Variants in TMPRSS2 observed in about 807,000 individuals in gnomAD.
The protein encoded by TMPRSS2 is transmembrane protease serine 2.
TMPRSS2 carries 59 observed loss-of-function variants against 67.4 expected under a neutral mutation model. That is an observed-to-expected ratio of 0.88 (90% confidence interval 0.71 to 1.09). The LOEUF (loss-of-function observed/expected upper bound fraction) is 1.09. Ranked by LOEUF, TMPRSS2 falls within the 50% of genes least tolerant of loss-of-function variation. The probability of loss-of-function intolerance (pLI) is 0.00; values close to 1 mark genes in which losing one functional copy is unlikely to be tolerated. For missense variants in TMPRSS2, 668 were observed against 642.7 expected, an observed-to-expected ratio of 1.04 and a Z score of -0.43; for synonymous variants, 257 against 257.0, an observed-to-expected ratio of 1.00 and a Z score of 0.00.
chr21:41,477,431 C>G (rs541563671), intron 7 of TMPRSS2, among the ~76,000 whole-genome samples: 3 of 152,308 alleles, frequency 2.0e-5, no homozygotes, highest in African/African-American at 7.2e-5. Flanking sequence ...TTACCAATCA[C>G]AGCTTTAGCC....
chr21:41,481,261 T>A (rs1343022669), intron 5 of TMPRSS2, among the ~76,000 whole-genome samples: 1 of 127,914 alleles, frequency 7.8e-6, no homozygotes, highest in Non-Finnish European at 2.0e-5. Flanking sequence ...GAAGAGGGAA[T>A]GAAATTCAGA....
chr21:41,476,672 C>T lies in TMPRSS2; in HGVS notation c.684-52G>A, dbSNP rs144800717. On this transcript the variant is annotated intron_variant, in intron 7 of 13. Coordinates refer to ENST00000332149, the MANE Select transcript of TMPRSS2 (RefSeq NM_005656.4). ...GTCACGATAGTGCGGAGTCACCTGC[C>T]TCTCACATGCTTAGAAATCAGTCAT... is the stretch of plus-strand genomic sequence containing the variant. 23 of 1,469,818 alleles carry T rather than the reference C, an allele frequency of 1.6e-5. No homozygotes were observed. The African/African-American group carries it at 3.0e-4, about 19-fold the overall frequency. 91.0% of individuals were successfully genotyped at this position (1,469,818 alleles called of 1,614,324 possible). A position where few individuals can be genotyped will look rare whatever the true frequency, so the allele number is the denominator to read the frequency against.
rs2091215409 is a variant in TMPRSS2, at chr21:41,476,623, G to T, written c.684-3C>A. ...CTGCTTTTGAAGAACAGGCATCACTGCAAAAAGAACAGGGGAAATTCTGGT... is the reference window on the plus strand; with the variant it reads ...CTGCTTTTGAAGAACAGGCATCACTTCAAAAAGAACAGGGGAAATTCTGGT... On this transcript the variant is annotated splice_region_variant and splice_polypyrimidine_tract_variant and intron_variant, in intron 7 of 13. Transcript: ENST00000332149. 1.3e-6 allele frequency: 2 copies of T among 1,491,912 alleles called. No individual in the cohort carries two copies. The highest frequency in any genetic ancestry group is 1.1e-5 in the South Asian group (1 of 86,974). 92.4% of individuals were successfully genotyped at this position (1,491,912 alleles called of 1,614,324 possible). A position where few individuals can be genotyped will look rare whatever the true frequency, so the allele number is the denominator to read the frequency against.
intron 10 of TMPRSS2, 92 bp from the exon 11 acceptor site, chr21:41,470,835 C>A: frequency 1.0e-6 from 1 of 980,704 alleles, no homozygotes; most frequent in Non-Finnish European, 1.5e-6. Flanking sequence ...GGCCTGGCAC[C>A]CTGGCCACCC....
intron 1 of TMPRSS2, among the ~76,000 whole-genome samples, chr21:41,501,785 C>A (rs1196869680): frequency 6.6e-6 from 1 of 152,218 alleles, no homozygotes; most frequent in African/African-American, 2.4e-5. Flanking sequence ...GGCATTTCCT[C>A]ATTCACACAA....
chr21:41,500,549 A>C (rs760057383), intron 1 of TMPRSS2, among the ~76,000 whole-genome samples: 3 of 152,188 alleles, frequency 2.0e-5, no homozygotes, highest in Non-Finnish European at 4.4e-5. Flanking sequence ...AAATGAGTAT[A>C]TGGCTTTTTA....
chr21:41,486,741 T>C (rs1040090575), intron 5 of TMPRSS2: 10 of 152,270 alleles, frequency 6.6e-5, no homozygotes, highest in African/African-American at 2.4e-4. Context: ...ATACTCAGGA[T>C]CGTTTCCCTG....
intron 4 of TMPRSS2, 80 bp downstream of exon 4, chr21:41,489,427 A>G (rs1569022111): frequency 8.0e-7 from 1 of 1,244,838 alleles, no homozygotes; most frequent in Non-Finnish European, 1.1e-6. Flanking sequence ...AGAGGTCTCA[A>G]TAGCCCAGAG....
intron 10 of TMPRSS2, 126 bp from the exon 11 acceptor site, chr21:41,470,869 A>C: frequency 1.6e-6 from 1 of 616,900 alleles, no homozygotes; most frequent in Admixed American, 2.8e-5. Context: ...CTGCATCCCA[A>C]CAAGTCCCAC....
rs557897321 is a variant in TMPRSS2 at position 41,465,360 on chromosome 21, G to A, written c.*782C>T. The A allele has an allele frequency of 3.6e-4, 84 of 233,600 alleles. No individual in the cohort carries two copies. The highest frequency in any genetic ancestry group is 2.7e-4 in the Non-Finnish European group (32 of 118,076). 14.5% of individuals were successfully genotyped at this position (233,600 alleles called of 1,614,324 possible). On this transcript the variant is annotated 3_prime_UTR_variant, in exon 14 of 14. Coordinates refer to ENST00000332149, the MANE Select transcript of TMPRSS2 (RefSeq NM_005656.4). ...TGGTGCCAGACTTGGCGCCCTGCCA[G>A]GACCAAGGGGCATGTGCACTCTCCA... is the stretch of plus-strand genomic sequence containing the variant.
At chr21:41,497,076 G>A (rs2091389117) in intron 2 of TMPRSS2, among the ~76,000 whole-genome samples, 1 of 151,968 alleles carries the variant, frequency 6.6e-6, no homozygotes, top group African/African-American at 2.4e-5. Context: ...CCCAACCTCA[G>A]GTGATCTGCC....
intron 11 of TMPRSS2, 191 bp from the exon 12 acceptor site, chr21:41,468,729 G>T: frequency 5.0e-6 from 3 of 594,678 alleles, no homozygotes; most frequent in Non-Finnish European, 8.7e-6. Flanking sequence ...TACAACTGGC[G>T]GTGCCTGTGC....
chr21:41,485,969 A>T (rs1022661901), intron 5 of TMPRSS2, among the ~76,000 whole-genome samples: 1 of 152,208 alleles, frequency 6.6e-6, no homozygotes. Context: ...ACAGGAAACC[A>T]GTCCCCACCA....
intron 3 of TMPRSS2, among the ~76,000 whole-genome samples, chr21:41,493,348 C>T (rs186185630): frequency 6.6e-6 from 1 of 151,914 alleles, no homozygotes; most frequent in East Asian, 1.9e-4. Flanking sequence ...GTGGAAGAGC[C>T]ATTTGTGAAG....
rs2091472219 is a variant in TMPRSS2, at chr21:41,508,121, G to A, written c.-97C>T. The A allele has an allele frequency of 1.4e-5, 13 of 915,994 alleles. No individual in the cohort carries two copies. Among genetic ancestry groups the A allele is most frequent in the Non-Finnish European group, 1.8e-5 (12 of 679,410 alleles). The allele number at this position is 915,994 out of a possible 1,614,324, so 56.7% of individuals were successfully genotyped here. ...CGGCGCTCCCCGCCCCTCGCCCTCC[G>A]CCTCCGCCTCCGCCTCCTGCTTAGC... On this transcript the variant is annotated 5_prime_UTR_variant, in exon 1 of 14. Transcript: ENST00000332149.
At chr21:41,468,875 C>T (rs2091106889) in intron 11 of TMPRSS2, 1 of 265,352 alleles carries the variant, frequency 3.8e-6, no homozygotes, top group Non-Finnish European at 7.4e-6. Context: ...CCACTCCTCA[C>T]TGAACCCCAC....
At chr21:41,469,423 G>A (rs568605816) in intron 11 of TMPRSS2, among the ~76,000 whole-genome samples, 93 of 152,130 alleles carry the variant, frequency 6.1e-4, no homozygotes, top group African/African-American at 2.2e-3. Context: ...GCCAGATCAT[G>A]GCACTCCCCG....
chr21:41,489,555 T>A lies in TMPRSS2; in HGVS notation c.277A>T (p.Thr93Ser). 1 of 1,614,070 alleles carries A rather than the reference T, an allele frequency of 6.2e-7. No individual in the cohort carries two copies. The highest frequency in any genetic ancestry group is 8.5e-7 in the Non-Finnish European group (1 of 1,179,998). ...KALCITLTLGTFLVGAALAAG... is the reference protein window; with the variant it reads ...KALCITLTLGSFLVGAALAAG... The stretch of plus-strand genomic sequence containing the variant: ...GCCAGCGCAGCTCCCACGAGGAAGG[T>A]CCCCAGGGTCAAGGTGATGCACAGT... Residue 93 changes from threonine to serine, a missense_variant, in exon 4 of 14, where the codon ACC becomes TCC. By Grantham distance (58) the Thr-to-Ser change is moderately conservative. Transcript: ENST00000332149.
In TMPRSS2 at chr21:41,488,558, G is replaced by A. The variant is rs386416; in HGVS notation, c.326-45C>T. ...AGAGGTGCCCTTCAGGCTGAGAAAC[G>A]CAATGAGCCTCATGGAGTGAGGAAC... On this transcript the variant is annotated intron_variant, in intron 4 of 13. Transcript: ENST00000332149. The A allele has an allele frequency of 8.9e-6, 14 of 1,573,556 alleles. No individual in the cohort carries two copies. The South Asian group carries it at 1.0e-4, about 12-fold the overall frequency.
Sources: gnomAD v4.1 joint callset for allele counts (sites outside exome capture counted in the v4.1 genomes callset) on GRCh38, gnomAD v4.1.1 for gene constraint, MANE v1.5 for transcripts, NCBI Gene and HGNC (gene_info 2026-07-23, HGNC 2026-07-21) for gene names.